MFSD8: variants seen among roughly 807,000 people sequenced by gnomAD.
MFSD8 encodes the protein major facilitator superfamily domain-containing protein 8.
MFSD8 carries 55 observed loss-of-function variants against 66.4 expected under a neutral mutation model. The observed-to-expected ratio is 0.83, with a 90% CI of 0.67 to 1.04. The LOEUF is 1.04. MFSD8 is among the 50% of genes least tolerant of loss of function. The pLI is 0.00. For synonymous variants in MFSD8, 202 were observed against 212.8 expected, an observed-to-expected ratio of 0.95 and a Z score of 0.44; for missense variants, 550 against 627.6, an observed-to-expected ratio of 0.88 and a Z score of 1.32.
intron 7 of MFSD8, among the ~76,000 whole-genome samples, chr4:127,936,542 A>G (rs2148894199): frequency 6.6e-6 from 1 of 152,198 alleles, no homozygotes; most frequent in South Asian, 2.1e-4. Context: ...CCTGGACAAT[A>G]TGGCAAGATC....
chr4:127,924,197 G>A (rs1381231644), intron 9 of MFSD8, among the ~76,000 whole-genome samples: 1 of 152,022 alleles, frequency 6.6e-6, no homozygotes, highest in Non-Finnish European at 1.5e-5. Flanking sequence ...TCAGGGATTC[G>A]ACTTCTTCCT....
Position 127,942,132 on chromosome 4 carries a change from T to C in MFSD8, c.466A>G (p.Thr156Ala). 1 of 1,613,714 alleles carries C rather than the reference T, an allele frequency of 6.2e-7. No homozygotes were observed. The highest frequency in any genetic ancestry group is 1.1e-5 in the South Asian group (1 of 91,072). Residue 156 changes from threonine (T) to alanine (A), a missense_variant, in exon 5 of 12, where the codon ACT becomes GCT. Thr to Ala is a moderately conservative substitution (Grantham distance 58). Transcript: ENST00000641686. ...AGNVAVVRSY[T>A]AGATSLQERT... ...TCCTGAAGGGAAGTAGCACCAGCAG[T>C]ATATGATCTAACAACTGCTACATTT...
At chr4:127,925,731 A>G (rs1172211391) in intron 9 of MFSD8, among the ~76,000 whole-genome samples, 2 of 152,216 alleles carry the variant, frequency 1.3e-5, no homozygotes, top group Non-Finnish European at 2.9e-5. Flanking sequence ...CAGCAATCCC[A>G]TTACTGGGTA....
intron 9 of MFSD8, among the ~76,000 whole-genome samples, chr4:127,924,455 CAG>C (rs1354709024): frequency 2.0e-5 from 3 of 152,054 alleles, no homozygotes; most frequent in African/African-American, 7.2e-5. Flanking sequence ...AACAGACAAA[CAG>C]AGAGCCAAAT....
At chr4:127,955,707 T>C (rs1742740779) in intron 2 of MFSD8, among the ~76,000 whole-genome samples, 1 of 152,094 alleles carries the variant, frequency 6.6e-6, no homozygotes, top group Non-Finnish European at 1.5e-5. Flanking sequence ...ATGCAGAGAA[T>C]AGATTGAATT....
At chr4:127,946,655 C>T (rs953760963) in intron 3 of MFSD8, among the ~76,000 whole-genome samples, 1 of 152,096 alleles carries the variant, frequency 6.6e-6, no homozygotes, top group Admixed American at 6.6e-5. Context: ...GTGGCTCACA[C>T]TTGTAATGCC....
At chr4:127,958,885 A>G (rs989077870) in intron 1 of MFSD8, among the ~76,000 whole-genome samples, 2 of 152,228 alleles carry the variant, frequency 1.3e-5, no homozygotes, top group Non-Finnish European at 2.9e-5. Flanking sequence ...TTAGAAAATA[A>G]TAATTTAATG....
chr4:127,947,596 A>G (rs1741269420), intron 3 of MFSD8, among the ~76,000 whole-genome samples: 1 of 149,260 alleles, frequency 6.7e-6, no homozygotes, highest in Non-Finnish European at 1.5e-5. Context: ...AAAAAAAAAC[A>G]GAGAGAGAGA....
intron 3 of MFSD8, among the ~76,000 whole-genome samples, chr4:127,948,234 C>T (rs898731929): frequency 6.6e-6 from 1 of 152,100 alleles, no homozygotes; most frequent in Admixed American, 6.5e-5. Context: ...GATGGTCAGG[C>T]GGTTGTTAAC....
chr4:127,932,333 T>C, intron 8 of MFSD8: 1 of 152,164 alleles, frequency 6.6e-6, no homozygotes, highest in Non-Finnish European at 1.5e-5. Context: ...ACATAATCTA[T>C]GTAAGTTTAA....
chr4:127,949,227 T>C (rs1157379342), intron 3 of MFSD8, among the ~76,000 whole-genome samples: 9 of 152,236 alleles, frequency 5.9e-5, no homozygotes, highest in Admixed American at 5.9e-4. Context: ...TACTGATTTT[T>C]AGTTAAGTTT....
chr4:127,921,648 A>C lies in MFSD8; in HGVS notation c.1226T>G (p.Leu409Arg). 1 of 1,614,210 alleles carries C rather than the reference A, an allele frequency of 6.2e-7. No homozygotes were observed. Among genetic ancestry groups the C allele is most frequent in the Middle Eastern group, 1.6e-4 (1 of 6,062 alleles). The part of the protein sequence containing the change: ...TGCSIEQAWC[L>R]YTPVIHLAQF... ...GGCCAGATGAATCACCGGGGTGTAGAGGCACCAGGCTTGTTCAATCGAGCA... is the reference window on the plus strand; with the variant it reads ...GGCCAGATGAATCACCGGGGTGTAGCGGCACCAGGCTTGTTCAATCGAGCA... Residue 409 changes from leucine (L) to arginine (R), a missense_variant, in exon 11 of 12, where the codon CTC becomes CGC. Coordinates refer to ENST00000641686, the MANE Select transcript of MFSD8 (RefSeq NM_001371596.2).
intron 9 of MFSD8, among the ~76,000 whole-genome samples, chr4:127,924,025 C>T (rs2148849868): frequency 6.6e-6 from 1 of 152,210 alleles, no homozygotes; most frequent in Non-Finnish European, 1.5e-5. Context: ...AGTCCCTCTT[C>T]TTCTACGGTT....
At chr4:127,963,334 A>C (rs375886180) in intron 1 of MFSD8, among the ~76,000 whole-genome samples, 1 of 152,234 alleles carries the variant, frequency 6.6e-6, no homozygotes, top group East Asian at 1.9e-4. Context: ...GTGATCAGCT[A>C]CAAAGGGCCA....
intron 2 of MFSD8, among the ~76,000 whole-genome samples, chr4:127,956,350 A>T (rs1742859877): frequency 6.6e-6 from 1 of 150,702 alleles, no homozygotes; most frequent in African/African-American, 2.4e-5. Flanking sequence ...TAAAAATATA[A>T]AACAATTAGC....
intron 9 of MFSD8, among the ~76,000 whole-genome samples, chr4:127,923,552 T>TTA (rs1553944539): frequency 3.1e-5 from 4 of 130,560 alleles, no homozygotes; most frequent in African/African-American, 5.8e-5. Context: ...TTTATTTTTA[T>TTA]TTATTATTAT....
intron 2 of MFSD8, among the ~76,000 whole-genome samples, chr4:127,953,341 A>G (rs1316456809): frequency 1.3e-5 from 2 of 151,648 alleles, no homozygotes; most frequent in Non-Finnish European, 2.9e-5. Context: ...ATACAACATT[A>G]GCTGGGCATG....
At chr4:127,925,520 A>G (rs1164544695) in intron 9 of MFSD8, among the ~76,000 whole-genome samples, 2 of 152,254 alleles carry the variant, frequency 1.3e-5, no homozygotes, top group Non-Finnish European at 2.9e-5. Flanking sequence ...AGAGAAATGC[A>G]TATCAAAATC....
intron 9 of MFSD8, among the ~76,000 whole-genome samples, chr4:127,927,376 A>C (rs1027719582): frequency 1.3e-5 from 2 of 152,128 alleles, no homozygotes; most frequent in African/African-American, 4.8e-5. Flanking sequence ...GGGTTTCACC[A>C]CGTTGGCCGG....
Sources: gnomAD v4.1 joint callset for allele counts (sites outside exome capture counted in the v4.1 genomes callset) on GRCh38, gnomAD v4.1.1 for gene constraint, MANE v1.5 for transcripts, NCBI Gene and HGNC (gene_info 2026-07-23, HGNC 2026-07-21) for gene names.